Variants in KHK observed in about 807,000 individuals in gnomAD.
The protein encoded by KHK is fructokinase.
KHK carries 37 observed loss-of-function variants against 36.0 expected under a neutral mutation model. The ratio of observed to expected loss-of-function variants is 1.03; its 90% CI spans 0.79 to 1.35. The LOEUF (loss-of-function observed/expected upper bound fraction) is 1.35. Among genes scored for constraint, KHK ranks in the 40% most tolerant of loss-of-function variants. The pLI is 0.00. For synonymous variants in KHK, 161 were observed against 162.8 expected, an observed-to-expected ratio of 0.99 and a Z score of 0.08; for missense variants, 395 against 391.9, an observed-to-expected ratio of 1.01 and a Z score of -0.07.
rs200042967 is a variant in KHK, at chr2:27,092,362, C to T, written c.123C>T (p.Gly41=). The T allele has an allele frequency of 1.2e-6, 2 of 1,613,370 alleles. No individual in the cohort carries two copies. The highest frequency in any genetic ancestry group is 1.7e-6 in the Non-Finnish European group (2 of 1,179,984). ...TGTCCCAGAGATGGCAGCGCGGAGGCAACGCGTCCAACTCCTGCACCGTTC... is the reference window on the plus strand; with the variant it reads ...TGTCCCAGAGATGGCAGCGCGGAGGTAACGCGTCCAACTCCTGCACCGTTC... The part of the protein sequence containing the change: ...RCLSQRWQRG[G]NASNSCTVLS... Residue 41 remains glycine (G), a synonymous_variant, in exon 2 of 8, where the codon GGC becomes GGT. Coordinates refer to ENST00000260598, the MANE Select transcript of KHK (RefSeq NM_006488.3).
chr2:27,099,255 G>A lies in KHK; in HGVS notation c.624G>A (p.Leu208=). 6.2e-7 allele frequency: 1 copy of A among 1,614,190 alleles called. No individual in the cohort carries two copies. Among genetic ancestry groups the A allele is most frequent in the Non-Finnish European group, 8.5e-7 (1 of 1,180,042 alleles). The change falls in exon 6 of 8, where the codon TTG becomes TTA. Residue 208 remains leucine, a synonymous_variant. Coordinates refer to ENST00000260598, the MANE Select transcript of KHK (RefSeq NM_006488.3). The stretch of plus-strand genomic sequence containing the variant: ...GGTTCCAGTCAGCAGAGGAAGCCTT[G>A]AGGGGCTTGTATGGTCGTGTGAGGA... ...HLGFQSAEEA[L]RGLYGRVRKG...
At chr2:27,088,516 G>A (rs1046227062) in intron 1 of KHK, among the ~76,000 whole-genome samples, 10 of 152,264 alleles carry the variant, frequency 6.6e-5, no homozygotes, top group Admixed American at 3.3e-4. Flanking sequence ...GGATTCAAGC[G>A]ATTCTCCTGC....
Position 27,092,422 on chromosome 2 carries a change from C to A in KHK, c.183C>A (p.Gly61=). ...SLLGAPCAFM[G]SMAPGHVADF... is the part of the protein sequence containing the mutation. ...TCGGAGCCCCCTGTGCCTTCATGGG[C>A]TCAATGGCTCCTGGCCATGTTGCTG... Residue 61 remains glycine (G), a synonymous_variant, in exon 2 of 8, where the codon GGC becomes GGA. Transcript: ENST00000260598. 6.2e-7 allele frequency: 1 copy of A among 1,613,252 alleles called. No individual in the cohort carries two copies. Among genetic ancestry groups the A allele is most frequent in the Non-Finnish European group, 8.5e-7 (1 of 1,179,836 alleles).
Position 27,094,285 on chromosome 2 carries a change from C to T in KHK, c.210-515C>T, listed in dbSNP as rs543173705. ...GGCCCTTAGTGTTTCTCTCTCTGAG[C>T]TCCAGGCTCTGCACTCCTGCATCTC... On this transcript the variant is annotated intron_variant, in intron 2 of 7. Transcript: ENST00000260598. The T allele has an allele frequency of 5.8e-6, 4 of 690,388 alleles. No homozygotes were observed. In the Admixed American group the frequency reaches 6.2e-5, roughly 11 times the overall value. 42.8% of individuals were successfully genotyped at this position (690,388 alleles called of 1,614,324 possible).
intron 2 of KHK, 128 bp from the exon 3 acceptor site, chr2:27,094,672 G>A (rs1386114083): frequency 1.2e-6 from 2 of 1,613,466 alleles, no homozygotes; most frequent in Non-Finnish European, 1.7e-6. Context: ...TCCCAGAACA[G>A]GACTCTTCTT....
At chr2:27,094,516 A>G (rs1178968287) in intron 2 of KHK, 1 of 1,613,656 alleles carries the variant, frequency 6.2e-7, no homozygotes, top group African/African-American at 1.3e-5. Context: ...CTGTGGACCT[A>G]CGCTACACAG....
chr2:27,088,406 C>T (rs528444144), intron 1 of KHK, among the ~76,000 whole-genome samples: 113 of 151,070 alleles, frequency 7.5e-4, no homozygotes, highest in Admixed American at 1.3e-3. Context: ...TGCACCCAGC[C>T]GATTTGTTGG....
intron 1 of KHK, 94 bp downstream of exon 1, chr2:27,087,445 C>A: frequency 1.0e-6 from 1 of 959,652 alleles, no homozygotes; most frequent in Non-Finnish European, 1.6e-6. Flanking sequence ...CGCAGTGAGG[C>A]CCTGAGAACC....
At chr2:27,099,042 A>T in intron 5 of KHK, 154 bp from the exon 6 acceptor site, 1 of 772,468 alleles carries the variant, frequency 1.3e-6, no homozygotes, top group Non-Finnish European at 2.3e-6. Context: ...ATAAAGAAAA[A>T]AGAAAACCAC....
chr2:27,097,672 C>T (rs1284516489), intron 5 of KHK, 23 bp downstream of exon 5: 1 of 1,612,930 alleles, frequency 6.2e-7, no homozygotes, highest in Admixed American at 1.7e-5. Flanking sequence ...TTCAGCCTCT[C>T]TTTGCCACTT....
rs1359762074 is a variant in KHK at position 27,097,562 on chromosome 2, G to A, written c.477G>A (p.Arg159=). The A allele has an allele frequency of 3.7e-6, 6 of 1,614,000 alleles. No homozygotes were observed. Among genetic ancestry groups the A allele is most frequent in the Non-Finnish European group, 5.1e-6 (6 of 1,180,042 alleles). ...MLQRIDAHNT[R]QPPEQKIRVS... Reference sequence around the variant, plus strand: ...AGCGGATAGACGCACACAACACCAGGCAGCCTCCAGAGCAGAAGATCCGGG... The same window carrying A: ...AGCGGATAGACGCACACAACACCAGACAGCCTCCAGAGCAGAAGATCCGGG... Residue 159 remains arginine (R), a synonymous_variant, in exon 5 of 8, where the codon AGG becomes AGA. Coordinates refer to ENST00000260598, the MANE Select transcript of KHK (RefSeq NM_006488.3).
At chr2:27,092,721 T>C (rs953225025) in intron 2 of KHK, among the ~76,000 whole-genome samples, 1 of 152,170 alleles carries the variant, frequency 6.6e-6, no homozygotes, top group Non-Finnish European at 1.5e-5. Context: ...TCCTTTCTCC[T>C]TCCTTGCTTC....
chr2:27,096,379 T>C (rs977132469), intron 3 of KHK, among the ~76,000 whole-genome samples: 1 of 152,106 alleles, frequency 6.6e-6, no homozygotes, highest in African/African-American at 2.4e-5. Flanking sequence ...GCTCTGCCTG[T>C]GGGAGCCGTG....
Position 27,087,475 on chromosome 2 carries a change from G to A in KHK, c.92+124G>A, listed in dbSNP as rs1190759413. 11 of 675,182 alleles carry A rather than the reference G, an allele frequency of 1.6e-5. No homozygotes were observed. The Admixed American group carries it at 2.9e-4, about 18-fold the overall frequency. 41.8% of individuals were successfully genotyped at this position (675,182 alleles called of 1,614,324 possible). A position where few individuals can be genotyped will look rare whatever the true frequency, so the allele number is the denominator to read the frequency against. On this transcript the variant is annotated intron_variant, in intron 1 of 7. Transcript: ENST00000260598. Reference sequence around the variant, plus strand: ...AGAACCCGGCTTCAAGGCCGGACCCGCGCCCTCTACCCGGGAATCCTGGGG... The same window carrying A: ...AGAACCCGGCTTCAAGGCCGGACCCACGCCCTCTACCCGGGAATCCTGGGG...
chr2:27,088,683 C>T (rs531703192), intron 1 of KHK, among the ~76,000 whole-genome samples: 2 of 152,260 alleles, frequency 1.3e-5, no homozygotes, highest in Non-Finnish European at 2.9e-5. Context: ...CTCAGTCCCC[C>T]AAAGTGCTGG....
chr2:27,088,255 C>T (rs558211809), intron 1 of KHK, among the ~76,000 whole-genome samples: 10 of 151,896 alleles, frequency 6.6e-5, no homozygotes, highest in African/African-American at 1.4e-4. Context: ...CACACATGCA[C>T]GTCACCATCC....
At chr2:27,097,752 C>T in intron 5 of KHK, 103 bp downstream of exon 5, 3 of 1,518,344 alleles carry the variant, frequency 2.0e-6, no homozygotes, top group Non-Finnish European at 2.7e-6. Flanking sequence ...AATAGTGGTT[C>T]CTGGTTTGGT....
At position 27,097,766 on chromosome 2, in the gene KHK, G is replaced by A. The variant is rs1026447465; in HGVS notation, c.564+117G>A. 1.5e-5 allele frequency: 22 copies of A among 1,440,928 alleles called. No homozygotes were observed. In the Admixed American group the frequency reaches 2.1e-4, roughly 13 times the overall value. 89.3% of individuals were successfully genotyped at this position (1,440,928 alleles called of 1,614,324 possible). A position where few individuals can be genotyped will look rare whatever the true frequency, so the allele number is the denominator to read the frequency against. ...GAATAGTGGTTCCTGGTTTGGTGGTGTTTGAAGATGGGGGATGGGGGTTAA... is the reference window on the plus strand; with the variant it reads ...GAATAGTGGTTCCTGGTTTGGTGGTATTTGAAGATGGGGGATGGGGGTTAA... On this transcript the variant is annotated intron_variant, in intron 5 of 7. Coordinates refer to ENST00000260598, the MANE Select transcript of KHK (RefSeq NM_006488.3).
At chr2:27,092,166 C>T (rs1354751610) in intron 1 of KHK, among the ~76,000 whole-genome samples, 166 bp from the exon 2 acceptor site, 1 of 152,240 alleles carries the variant, frequency 6.6e-6, no homozygotes, top group Non-Finnish European at 1.5e-5. Flanking sequence ...CTCAGCCAAG[C>T]TCCTTCCCTT....
Sources: gnomAD v4.1 joint callset for allele counts (sites outside exome capture counted in the v4.1 genomes callset) on GRCh38, gnomAD v4.1.1 for gene constraint, MANE v1.5 for transcripts, NCBI Gene and HGNC (gene_info 2026-07-23, HGNC 2026-07-21) for gene names.